Variants in PCMTD1 observed in about 807,000 individuals in gnomAD.
The protein encoded by PCMTD1 is protein-L-isoaspartate (D-aspartate) O-methyltransferase domain containing 1, also known as protein-L-isoaspartate O-methyltransferase domain-containing protein 1.
A neutral mutation model predicts 37.6 loss-of-function variants in PCMTD1; 12 were observed. The ratio of observed to expected loss-of-function variants is 0.32; its 90% CI spans 0.20 to 0.52. PCMTD1 has a LOEUF of 0.52. PCMTD1 is among the 20% of genes least tolerant of loss of function. The probability of loss-of-function intolerance (pLI) is 0.97; values close to 1 mark genes in which losing one functional copy is unlikely to be tolerated. For synonymous variants in PCMTD1, 117 were observed against 135.8 expected (o/e 0.86, Z 0.96); for missense variants, 235 against 421.3 (o/e 0.56, Z 3.87).
chr8:51,831,421 A>T, intron 5 of PCMTD1, 23 bp downstream of exon 5: 2 of 1,608,336 alleles, frequency 1.2e-6, no homozygotes, highest in Non-Finnish European at 1.7e-6. Flanking sequence ...TAATTCAATC[A>T]GAAAATATGA....
intron 1 of PCMTD1, among the ~76,000 whole-genome samples, chr8:51,870,554 T>C (rs2038624532): frequency 6.6e-6 from 1 of 152,244 alleles, no homozygotes; most frequent in African/African-American, 2.4e-5. Flanking sequence ...AGTGATAACA[T>C]ATAGCAGCAA....
At chr8:51,877,965 G>C (rs114070773) in intron 1 of PCMTD1, among the ~76,000 whole-genome samples, 1 of 152,070 alleles carries the variant, frequency 6.6e-6, no homozygotes, top group African/African-American at 2.4e-5. Flanking sequence ...AGAAAACTCT[G>C]TGTGTGTGTA....
intron 1 of PCMTD1, among the ~76,000 whole-genome samples, chr8:51,869,216 T>A (rs978493750): frequency 6.6e-6 from 1 of 152,194 alleles, no homozygotes; most frequent in African/African-American, 2.4e-5. Context: ...CAATTTTTTT[T>A]ATGAAAGTAA....
chr8:51,840,573 A>T (rs764997428), intron 3 of PCMTD1, among the ~76,000 whole-genome samples: 4 of 152,164 alleles, frequency 2.6e-5, no homozygotes, highest in Non-Finnish European at 5.9e-5. Context: ...ATATATAATG[A>T]ATTATATATA....
chr8:51,879,974 G>A (rs1462033694), intron 1 of PCMTD1, among the ~76,000 whole-genome samples: 1 of 151,856 alleles, frequency 6.6e-6, no homozygotes, highest in African/African-American at 2.4e-5. Flanking sequence ...CTTGAGGCCA[G>A]GAGTTAGAGA....
intron 1 of PCMTD1, among the ~76,000 whole-genome samples, chr8:51,875,533 T>C (rs1434089849): frequency 6.6e-6 from 1 of 152,206 alleles, no homozygotes; most frequent in South Asian, 2.1e-4. Flanking sequence ...AGAATGAATA[T>C]TAGTATATCA....
chr8:51,833,363 T>A (rs1449590869), intron 4 of PCMTD1, 155 bp downstream of exon 4: 1 of 543,290 alleles, frequency 1.8e-6, no homozygotes, highest in African/African-American at 2.0e-5. Flanking sequence ...ATAATTAAGA[T>A]GTTTCAAGTT....
intron 3 of PCMTD1, among the ~76,000 whole-genome samples, chr8:51,840,768 C>G (rs909230643): frequency 3.3e-5 from 5 of 152,014 alleles, no homozygotes; most frequent in African/African-American, 1.2e-4. Context: ...AAGTCTAACT[C>G]TACATATAAA....
At position 51,824,802 on chromosome 8, in the gene PCMTD1, A is replaced by G. The variant is rs538594698; in HGVS notation, c.707-4084T>C. ...CTACCTGACTTCAAACTATACCACA[A>G]GACTACAGTAACCAAAGCAGCATGG... On this transcript the variant is annotated intron_variant, in intron 5 of 5. Transcript: ENST00000522514. 1.1e-3 allele frequency among the ~76,000 whole-genome samples: 170 copies of G among 152,356 alleles called. 2 individuals are homozygous for G. Among genetic ancestry groups the G allele is most frequent in the African/African-American group, 3.8e-3 (157 of 41,580 alleles).
chr8:51,867,951 G>A (rs923835719), intron 1 of PCMTD1, among the ~76,000 whole-genome samples: 3 of 152,074 alleles, frequency 2.0e-5, no homozygotes, highest in Admixed American at 2.0e-4. Context: ...TGTGATTGCT[G>A]AAACAATTAT....
rs115202332 is a variant in PCMTD1, at chr8:51,850,334, T to G, written c.308-4571A>C. ...ACAGAAATAGTTATAGAAGCATAAT[T>G]ATAACCTACATAAGGGGTTCTCAAC... On this transcript the variant is annotated intron_variant, in intron 2 of 5. Transcript: ENST00000522514. Among the ~76,000 whole-genome samples, 457 of 152,316 alleles carry G rather than the reference T, an allele frequency of 3.0e-3. 1 individual carries two copies. The highest frequency in any genetic ancestry group is 0.011 in the African/African-American group (440 of 41,564).
intron 3 of PCMTD1, among the ~76,000 whole-genome samples, chr8:51,840,398 G>A (rs143086194): frequency 1.4e-3 from 210 of 152,176 alleles, no homozygotes; most frequent in Admixed American, 2.6e-3. Context: ...AAGGATTTCT[G>A]TCTCAACATC....
intron 1 of PCMTD1, among the ~76,000 whole-genome samples, chr8:51,887,005 T>G (rs2038873990): frequency 6.6e-6 from 1 of 151,866 alleles, no homozygotes; most frequent in Admixed American, 6.6e-5. Context: ...CTTTCTTCCA[T>G]CTGCAAAGCA....
At chr8:51,888,583 T>G (rs1454950471) in intron 1 of PCMTD1, among the ~76,000 whole-genome samples, 1 of 152,160 alleles carries the variant, frequency 6.6e-6, no homozygotes, top group East Asian at 1.9e-4. Context: ...CATGAAAGTC[T>G]GAACTCATAG....
At chr8:51,827,744 T>C (rs574521213) in intron 5 of PCMTD1, among the ~76,000 whole-genome samples, 1 of 152,278 alleles carries the variant, frequency 6.6e-6, no homozygotes, top group Admixed American at 6.5e-5. Flanking sequence ...CACCCCCAGA[T>C]TATTTTGATG....
chr8:51,898,969 C>T lies in PCMTD1; in HGVS notation c.-135G>A, dbSNP rs2039054645. 3 of 1,490,252 alleles carry T rather than the reference C, an allele frequency of 2.0e-6. No individual in the cohort carries two copies. Among genetic ancestry groups the T allele is most frequent in the Non-Finnish European group, 2.7e-6 (3 of 1,125,964 alleles). 92.3% of individuals were successfully genotyped at this position (1,490,252 alleles called of 1,614,324 possible). ...GCGGCGCGCAGGCCAGGCGCTAGGA[C>T]TCGGCGGGGTCCGCAGCAGCCAGAC... On this transcript the variant is annotated 5_prime_UTR_variant, in exon 1 of 6. Coordinates refer to ENST00000522514, the MANE Select transcript of PCMTD1 (RefSeq NM_052937.4).
chr8:51,851,624 C>T (rs905835830), intron 2 of PCMTD1, among the ~76,000 whole-genome samples: 9 of 150,790 alleles, frequency 6.0e-5, no homozygotes, highest in African/African-American at 2.2e-4. Flanking sequence ...GTTTCAAAAG[C>T]TAATTTAAAC....
intron 1 of PCMTD1, among the ~76,000 whole-genome samples, chr8:51,880,258 A>T (rs2129291886): frequency 6.6e-6 from 1 of 152,140 alleles, no homozygotes; most frequent in East Asian, 1.9e-4. Context: ...TATTTGCCAG[A>T]AGAATTACTA....
chr8:51,847,545 T>A (rs1034464090), intron 2 of PCMTD1, among the ~76,000 whole-genome samples: 13 of 152,110 alleles, frequency 8.5e-5, no homozygotes, highest in Non-Finnish European at 1.2e-4. Context: ...GAGAATTGCT[T>A]CAACTCAGGA....
Sources: gnomAD v4.1 joint callset for allele counts (sites outside exome capture counted in the v4.1 genomes callset) on GRCh38, gnomAD v4.1.1 for gene constraint, MANE v1.5 for transcripts, NCBI Gene and HGNC (gene_info 2026-07-23, HGNC 2026-07-21) for gene names.